Variants in CREB3L2 observed in about 807,000 individuals in gnomAD.
CREB3L2 encodes cyclic AMP-responsive element-binding protein 3-like protein 2.
Under a neutral mutation model 57.2 loss-of-function variants are expected in CREB3L2, and 23 were observed. That is an observed-to-expected ratio of 0.40 (90% CI 0.29 to 0.57). CREB3L2 has a LOEUF of 0.57. CREB3L2 is among the 20% of genes least tolerant of loss of function. The probability of loss-of-function intolerance (pLI) is 0.42; values close to 1 mark genes in which losing one functional copy is unlikely to be tolerated. For missense variants in CREB3L2, 628 were observed against 634.7 expected, an observed-to-expected ratio of 0.99 and a Z score of 0.11; for synonymous variants, 268 against 265.1, an observed-to-expected ratio of 1.01 and a Z score of -0.11.
At chr7:137,996,347 G>A (rs1252616348) in intron 1 of CREB3L2, among the ~76,000 whole-genome samples, 1 of 152,208 alleles carries the variant, frequency 6.6e-6, no homozygotes, top group Admixed American at 6.5e-5. Context: ...GAACACAAAA[G>A]GGGCGAGAAT....
chr7:137,878,002 T>C lies in CREB3L2; in HGVS notation c.*2474A>G. 4.4e-6 allele frequency: 1 copy of C among 227,972 alleles called. No individual in the cohort carries two copies. Among genetic ancestry groups the C allele is most frequent in the East Asian group, 6.3e-5 (1 of 15,828 alleles). 14.1% of individuals were successfully genotyped at this position (227,972 alleles called of 1,614,324 possible). A position where few individuals can be genotyped will look rare whatever the true frequency, so the allele number is the denominator to read the frequency against. Reference sequence around the variant, plus strand: ...AGAGGTTTATCTAAAAGAGCAGTGATGTTGGTTCTTGGAGCCCCCTTAAAA... The same window carrying C: ...AGAGGTTTATCTAAAAGAGCAGTGACGTTGGTTCTTGGAGCCCCCTTAAAA... On this transcript the variant is annotated 3_prime_UTR_variant, in exon 12 of 12. Coordinates refer to ENST00000330387, the MANE Select transcript of CREB3L2 (RefSeq NM_194071.4).
intron 1 of CREB3L2, among the ~76,000 whole-genome samples, chr7:137,947,910 C>A (rs1277424490): frequency 6.6e-6 from 1 of 152,194 alleles, no homozygotes; most frequent in Non-Finnish European, 1.5e-5. Context: ...AGGTTTATAA[C>A]TGTGCCAGGC....
intron 1 of CREB3L2, among the ~76,000 whole-genome samples, chr7:137,931,170 T>A (rs10274570): frequency 0.025 from 3,801 of 151,420 alleles, 136 homozygotes; most frequent in African/African-American, 0.078. Flanking sequence ...AGGTCAAGAC[T>A]ATAGTGAACC....
chr7:137,992,920 G>A (rs1436379816), intron 1 of CREB3L2, among the ~76,000 whole-genome samples: 2 of 152,248 alleles, frequency 1.3e-5, no homozygotes, highest in African/African-American at 4.8e-5. Context: ...ACAGGGTAGA[G>A]ACTAAGGAAA....
chr7:138,000,376 A>G (rs1802054463), intron 1 of CREB3L2, among the ~76,000 whole-genome samples: 1 of 152,204 alleles, frequency 6.6e-6, no homozygotes, highest in Non-Finnish European at 1.5e-5. Context: ...CTCAGCAAGC[A>G]AAGCCCAGAA....
intron 8 of CREB3L2, among the ~76,000 whole-genome samples, chr7:137,887,446 C>T (rs888549552): frequency 6.6e-6 from 1 of 152,194 alleles, no homozygotes; most frequent in Non-Finnish European, 1.5e-5. Context: ...CGGTGGCTCA[C>T]GCCTGTAATC....
chr7:137,928,477 A>G, intron 1 of CREB3L2, 111 bp from the exon 2 acceptor site: 1 of 828,908 alleles, frequency 1.2e-6, no homozygotes, highest in Admixed American at 2.1e-5. Context: ...TCCCTTCTAC[A>G]CACACAATGT....
intron 1 of CREB3L2, among the ~76,000 whole-genome samples, chr7:137,946,764 GT>G (rs201240933): frequency 0.016 from 1,033 of 64,602 alleles, 150 homozygotes; most frequent in African/African-American, 0.057. Flanking sequence ...TATCTATATA[GT>G]TTAGTTATCT....
Position 137,989,371 on chromosome 7 carries a change from ACTCTGTAGCGACT to A in CREB3L2, c.102+12220_102+12232del, listed in dbSNP as rs199990527. ...CACTCAACCCTTATTTGTACTGACC[ACTCTGTAGCGACT>A]CTCCCCTATTTTGGAGCCTATGATG... On this transcript the variant is annotated intron_variant, in intron 1 of 11. Transcript: ENST00000330387. Among the ~76,000 whole-genome samples the A allele has an allele frequency of 5.5e-5, 8 of 145,276 alleles. No individual in the cohort carries two copies. The East Asian group carries it at 1.6e-3, about 30-fold the overall frequency.
chr7:137,934,846 C>T (rs1800746819), intron 1 of CREB3L2, among the ~76,000 whole-genome samples: 1 of 152,222 alleles, frequency 6.6e-6, no homozygotes, highest in Non-Finnish European at 1.5e-5. Flanking sequence ...AGGATTGAAC[C>T]CCTGCCTCAC....
chr7:137,889,285 C>T (rs1347148372), intron 8 of CREB3L2, among the ~76,000 whole-genome samples: 3 of 152,156 alleles, frequency 2.0e-5, no homozygotes, highest in Non-Finnish European at 4.4e-5. Context: ...ATTGGAATCC[C>T]CCATTCCCCA....
At chr7:137,927,081 C>T (rs931193630) in intron 2 of CREB3L2, among the ~76,000 whole-genome samples, 1 of 151,892 alleles carries the variant, frequency 6.6e-6, no homozygotes, top group Non-Finnish European at 1.5e-5. Context: ...TACATGAGAG[C>T]CCAGGAGGTC....
intron 1 of CREB3L2, among the ~76,000 whole-genome samples, chr7:137,958,385 C>T (rs944573459): frequency 2.6e-5 from 4 of 152,070 alleles, no homozygotes; most frequent in African/African-American, 9.7e-5. Flanking sequence ...AAACCTTTGG[C>T]CAGGCACAGT....
At position 137,905,683 on chromosome 7, in the gene CREB3L2, C is replaced by G; in HGVS notation, c.915+19G>C. ...CTGCTCGTCTCTGCTCTAGAAGTGCCTAGATTTGAAGAGCTCACCTTATTC... is the reference window on the plus strand; with the variant it reads ...CTGCTCGTCTCTGCTCTAGAAGTGCGTAGATTTGAAGAGCTCACCTTATTC... On this transcript the variant is annotated intron_variant, in intron 6 of 11. Coordinates refer to ENST00000330387, the MANE Select transcript of CREB3L2 (RefSeq NM_194071.4). The G allele has an allele frequency of 1.2e-6, 2 of 1,613,800 alleles. No individual in the cohort carries two copies. Among genetic ancestry groups the G allele is most frequent in the Non-Finnish European group, 1.7e-6 (2 of 1,179,736 alleles).
At chr7:137,988,233 G>A (rs1801823549) in intron 1 of CREB3L2, among the ~76,000 whole-genome samples, 1 of 152,258 alleles carries the variant, frequency 6.6e-6, no homozygotes, top group South Asian at 2.1e-4. Flanking sequence ...GAAACAGAGA[G>A]CAAGGGCAGA....
rs1800939918 is a variant in CREB3L2, at chr7:137,944,798, T to C, written c.103-16432A>G. ...AATTGTCTTTATATATTTATATATG[T>C]TGTTACATACTTTATATATCAATGT... On this transcript the variant is annotated intron_variant, in intron 1 of 11. Coordinates refer to ENST00000330387, the MANE Select transcript of CREB3L2 (RefSeq NM_194071.4). 2.0e-5 allele frequency among the ~76,000 whole-genome samples: 3 copies of C among 152,312 alleles called. No homozygotes were observed. In the South Asian group the frequency reaches 6.2e-4, roughly 32 times the overall value.
At chr7:137,974,110 C>G (rs991433552) in intron 1 of CREB3L2, among the ~76,000 whole-genome samples, 10 of 152,144 alleles carry the variant, frequency 6.6e-5, no homozygotes, top group African/African-American at 2.4e-4. Flanking sequence ...AATACTTGTC[C>G]TACCTACCCC....
intron 7 of CREB3L2, 124 bp from the exon 8 acceptor site, chr7:137,901,546 T>C: frequency 1.8e-6 from 1 of 560,612 alleles, no homozygotes; most frequent in Non-Finnish European, 3.1e-6. Context: ...CCCATGGAAG[T>C]GTGGGAAAGT....
intron 2 of CREB3L2, among the ~76,000 whole-genome samples, chr7:137,918,011 AGAGATGGAGCAACTGGACCAC>A (rs1452933253): frequency 1.3e-5 from 2 of 152,150 alleles, no homozygotes; most frequent in Non-Finnish European, 2.9e-5. Context: ...AGCTCAGCCC[AGAGATGGAGCAACTGGACCAC>A]GAGCCAAAAG....
Sources: allele counts gnomAD v4.1 joint callset (sites outside exome capture counted in the v4.1 genomes callset), GRCh38; gene constraint gnomAD v4.1.1; transcripts MANE v1.5; gene names NCBI Gene and HGNC (gene_info 2026-07-23, HGNC 2026-07-21).